The following RGS7 variants were observed in gnomAD, a reference collection of about 807,000 sequenced individuals.
The protein encoded by RGS7 is regulator of G-protein signaling 7.
Under a neutral mutation model 81.1 loss-of-function variants are expected in RGS7, and 27 were observed. The observed-to-expected ratio is 0.33, with a 90% confidence interval of 0.25 to 0.46. RGS7 has a LOEUF of 0.46. RGS7 is among the 20% of genes least tolerant of loss of function. RGS7 has a pLI of 1.00. For synonymous variants in RGS7, 208 were observed against 207.7 expected (o/e 1.00, Z -0.01); for missense variants, 396 against 607.4 (o/e 0.65, Z 3.66).
chr1:240,857,900 G>A (rs140327294), intron 9 of RGS7, among the ~76,000 whole-genome samples: 169 of 152,198 alleles, frequency 1.1e-3, no homozygotes, highest in Non-Finnish European at 2.1e-3. Flanking sequence ...GAGATCTGAC[G>A]GTTTTATAAG....
chr1:241,053,833 G>T (rs954749656), intron 3 of RGS7, among the ~76,000 whole-genome samples: 1 of 152,078 alleles, frequency 6.6e-6, no homozygotes. Flanking sequence ...TTTTAAAAGG[G>T]GTTTTCTTTT....
chr1:241,102,239 T>TA (rs199696272), intron 2 of RGS7, among the ~76,000 whole-genome samples: 10 of 113,470 alleles, frequency 8.8e-5, no homozygotes, highest in South Asian at 4.4e-4. Context: ...CAAAGACACA[T>TA]AAAAAAAACC....
intron 3 of RGS7, among the ~76,000 whole-genome samples, chr1:241,022,039 G>A (rs1381012417): frequency 1.3e-5 from 2 of 152,118 alleles, no homozygotes; most frequent in African/African-American, 2.4e-5. Flanking sequence ...AGATTTAAAC[G>A]CAATACAGGG....
chr1:241,086,470 G>C (rs1255343592), intron 3 of RGS7, among the ~76,000 whole-genome samples: 1 of 151,858 alleles, frequency 6.6e-6, no homozygotes, highest in Non-Finnish European at 1.5e-5. Flanking sequence ...CCTATGTCCT[G>C]AAAGTCTCCC....
chr1:241,204,833 G>A (rs994501912), intron 2 of RGS7, among the ~76,000 whole-genome samples: 5 of 151,944 alleles, frequency 3.3e-5, no homozygotes, highest in Admixed American at 1.3e-4. Context: ...AAACAGTATC[G>A]ATAATAAAAT....
Position 240,788,676 on chromosome 1 carries a change from A to G in RGS7, c.*6+11965T>C, listed in dbSNP as rs139577099. Among the ~76,000 whole-genome samples, 312 of 152,296 alleles carry G rather than the reference A, an allele frequency of 2.0e-3. 3 individuals carry two copies. The highest frequency in any genetic ancestry group is 7.7e-3 in the East Asian group (40 of 5,182). On this transcript the variant is annotated intron_variant, in intron 18 of 18. Transcript: ENST00000440928. ...GGAGAGATCAGCTGGGAATACTTCT[A>G]TTTGTGTGATGATTTTTAAACTGTA...
chr1:241,270,827 T>C (rs943964076), intron 2 of RGS7, among the ~76,000 whole-genome samples: 1 of 151,344 alleles, frequency 6.6e-6, no homozygotes, highest in Non-Finnish European at 1.5e-5. Context: ...GGCGCCATCT[T>C]GGTTCACTGC....
chr1:241,157,124 T>TAA (rs879562914), intron 2 of RGS7, among the ~76,000 whole-genome samples: 2 of 142,820 alleles, frequency 1.4e-5, no homozygotes, highest in Non-Finnish European at 3.1e-5. Context: ...CTGGTGGAAT[T>TAA]AAAAAAAAAA....
chr1:241,090,808 T>C (rs192783788), intron 3 of RGS7, among the ~76,000 whole-genome samples: 67 of 152,246 alleles, frequency 4.4e-4, no homozygotes, highest in African/African-American at 1.4e-3. Context: ...GAGGTAAAAA[T>C]GAAGACAAAA....
intron 2 of RGS7, among the ~76,000 whole-genome samples, chr1:241,104,324 C>A (rs985522523): frequency 2.0e-5 from 3 of 152,110 alleles, no homozygotes; most frequent in African/African-American, 7.2e-5. Context: ...AATTGTCAAG[C>A]AATAAGTAGT....
Position 241,220,979 on chromosome 1 carries a change from AAGG to A in RGS7, c.79-122220_79-122218del, listed in dbSNP as rs1558203003. On this transcript the variant is annotated intron_variant, in intron 2 of 18. Transcript: ENST00000440928. ...GAAGGAAGGAAGGAAGGAAGGAAGG[AAGG>A]AAGGAAGGAAGGAAGAGAGAGAGAA... 2.4e-4 allele frequency among the ~76,000 whole-genome samples: 19 copies of A among 79,612 alleles called. 1 individual carries two copies. The highest frequency in any genetic ancestry group is 4.3e-4 in the Non-Finnish European group (16 of 36,958). The allele number at this position is 79,612 out of a possible 152,430, so 52.2% of individuals were successfully genotyped here.
chr1:240,905,602 A>G (rs565978951), intron 6 of RGS7, among the ~76,000 whole-genome samples: 2 of 152,326 alleles, frequency 1.3e-5, no homozygotes, highest in East Asian at 3.9e-4. Context: ...TCTGATTCCA[A>G]AACTTATATT....
chr1:240,999,000 C>A (rs1687734814), intron 3 of RGS7, among the ~76,000 whole-genome samples: 3 of 152,102 alleles, frequency 2.0e-5, no homozygotes, highest in Non-Finnish European at 2.9e-5. Flanking sequence ...TTTTGTCAGT[C>A]TGTTTTCTCT....
At chr1:241,130,379 T>A (rs2066990336) in intron 2 of RGS7, among the ~76,000 whole-genome samples, 1 of 152,094 alleles carries the variant, frequency 6.6e-6, no homozygotes. Context: ...AACCAATGCT[T>A]TTAACTGTAT....
intron 4 of RGS7, among the ~76,000 whole-genome samples, chr1:240,980,980 A>T (rs1684828045): frequency 6.6e-6 from 1 of 152,204 alleles, no homozygotes; most frequent in South Asian, 2.1e-4. Flanking sequence ...TTCCATGCAC[A>T]TTATAGCTAA....
At chr1:241,040,015 A>G (rs1255717867) in intron 3 of RGS7, among the ~76,000 whole-genome samples, 1 of 152,232 alleles carries the variant, frequency 6.6e-6, no homozygotes, top group African/African-American at 2.4e-5. Flanking sequence ...TCAAGTGCCC[A>G]ACGGCTGAAT....
chr1:241,220,255 A>G (rs899981461), intron 2 of RGS7, among the ~76,000 whole-genome samples: 9 of 152,232 alleles, frequency 5.9e-5, no homozygotes, highest in African/African-American at 2.2e-4. Context: ...TGGCCTAAGT[A>G]AGGAATTCTT....
At chr1:240,920,308 G>A in intron 6 of RGS7, 1 of 1,425,960 alleles carries the variant, frequency 7.0e-7, no homozygotes, top group Non-Finnish European at 9.8e-7. Flanking sequence ...GGTCGTGGAG[G>A]AAACTTCAGT....
chr1:240,951,792 CAGAG>C (rs147638119), intron 4 of RGS7, among the ~76,000 whole-genome samples: 3,014 of 152,036 alleles, frequency 0.02, 53 homozygotes, highest in South Asian at 0.04. Context: ...ACACTACACT[CAGAG>C]AGAAAGAAAA....
Sources: gnomAD v4.1 joint callset for allele counts (sites outside exome capture counted in the v4.1 genomes callset) on GRCh38, gnomAD v4.1.1 for gene constraint, MANE v1.5 for transcripts, NCBI Gene and HGNC (gene_info 2026-07-23, HGNC 2026-07-21) for gene names.